GALNT17: variants seen among roughly 807,000 people sequenced by gnomAD.
GALNT17 encodes UDP-GalNAc:polypeptide N-acetylgalactosaminyltransferase-like 3.
GALNT17 carries 29 observed loss-of-function variants against 63.7 expected under a neutral mutation model. The observed-to-expected ratio is 0.46, with a 90% confidence interval of 0.34 to 0.62. The LOEUF is 0.62. GALNT17 is among the 20% of genes least tolerant of loss of function. The pLI is 0.01. For synonymous variants in GALNT17, 305 were observed against 318.3 expected, an observed-to-expected ratio of 0.96 and a Z score of 0.45; for missense variants, 603 against 799.6, an observed-to-expected ratio of 0.75 and a Z score of 2.97.
chr7:71,231,157 G>A (rs757176799), intron 1 of GALNT17, among the ~76,000 whole-genome samples: 2 of 151,662 alleles, frequency 1.3e-5, no homozygotes, highest in African/African-American at 2.4e-5. Context: ...TTCCCCATTA[G>A]TAATAATCAG....
chr7:71,147,905 C>T (rs763758467), intron 1 of GALNT17, among the ~76,000 whole-genome samples: 1 of 152,170 alleles, frequency 6.6e-6, no homozygotes, highest in Non-Finnish European at 1.5e-5. Context: ...GCTGAGATTA[C>T]ATGCATGAGC....
intron 5 of GALNT17, among the ~76,000 whole-genome samples, chr7:71,567,815 T>C (rs918420288): frequency 6.6e-6 from 1 of 152,222 alleles, no homozygotes; most frequent in Non-Finnish European, 1.5e-5. Flanking sequence ...TATGCAATTA[T>C]AGTCTTCGGT....
At chr7:71,570,703 G>C (rs949282361) in intron 5 of GALNT17, among the ~76,000 whole-genome samples, 1 of 152,066 alleles carries the variant, frequency 6.6e-6, no homozygotes, top group African/African-American at 2.4e-5. Flanking sequence ...TCACAGGCTG[G>C]GCATGGTGTT....
chr7:71,162,152 C>CCTTCCTTCCTTCCTTCCTTT (rs1788360903), intron 1 of GALNT17, among the ~76,000 whole-genome samples: 2 of 137,572 alleles, frequency 1.5e-5, no homozygotes, highest in Non-Finnish European at 3.1e-5. Context: ...TTCCTTCCTT[C>CCTTCCTTCCTTCCTTCCTTT]CTTCCTTCCT....
intron 6 of GALNT17, among the ~76,000 whole-genome samples, chr7:71,624,079 G>A (rs1244873084): frequency 1.3e-5 from 2 of 152,166 alleles, no homozygotes; most frequent in Non-Finnish European, 2.9e-5. Flanking sequence ...ATGGCTTTGC[G>A]ATGTCGGCGG....
chr7:71,660,114 C>T (rs1790884809), intron 6 of GALNT17, among the ~76,000 whole-genome samples: 1 of 152,208 alleles, frequency 6.6e-6, no homozygotes, highest in African/African-American at 2.4e-5. Context: ...CATCCCCCTG[C>T]CCAGCCCAGT....
At chr7:71,432,350 G>A (rs911415587) in intron 5 of GALNT17, among the ~76,000 whole-genome samples, 3 of 152,124 alleles carry the variant, frequency 2.0e-5, no homozygotes, top group South Asian at 2.1e-4. Context: ...TTGGCATCCC[G>A]GGTTTTTACT....
chr7:71,649,031 C>T (rs1007024308), intron 6 of GALNT17, among the ~76,000 whole-genome samples: 3 of 152,236 alleles, frequency 2.0e-5, no homozygotes, highest in Admixed American at 1.3e-4. Flanking sequence ...CATCCTCTTC[C>T]TCCCATCTGC....
At chr7:71,283,396 A>G (rs1016029254) in intron 1 of GALNT17, among the ~76,000 whole-genome samples, 2 of 152,048 alleles carry the variant, frequency 1.3e-5, no homozygotes, top group Non-Finnish European at 2.9e-5. Flanking sequence ...TGTTGATTAT[A>G]TTGATTTTAT....
chr7:71,361,205 G>A (rs929922872), intron 2 of GALNT17, among the ~76,000 whole-genome samples: 16 of 152,058 alleles, frequency 1.1e-4, no homozygotes, highest in Admixed American at 5.2e-4. Flanking sequence ...ATCTATACCA[G>A]TTACTCTCAA....
chr7:71,460,207 CTG>C (rs1042656779), intron 5 of GALNT17, among the ~76,000 whole-genome samples: 20 of 152,278 alleles, frequency 1.3e-4, no homozygotes, highest in African/African-American at 4.6e-4. Flanking sequence ...GAGTTCAACT[CTG>C]TTCATCAACA....
At chr7:71,709,388 C>T (rs540342740) in intron 9 of GALNT17, among the ~76,000 whole-genome samples, 23 of 152,136 alleles carry the variant, frequency 1.5e-4, no homozygotes, top group African/African-American at 2.2e-4. Flanking sequence ...ATGTCCTTTG[C>T]GCATAAAAGT....
At chr7:71,560,824 A>G (rs573113103) in intron 5 of GALNT17, among the ~76,000 whole-genome samples, 2 of 152,288 alleles carry the variant, frequency 1.3e-5, no homozygotes, top group South Asian at 2.1e-4. Context: ...GCACATTCCT[A>G]TAATCCCTGG....
intron 6 of GALNT17, among the ~76,000 whole-genome samples, chr7:71,581,114 A>G (rs947006996): frequency 6.6e-6 from 1 of 152,158 alleles, no homozygotes; most frequent in Non-Finnish European, 1.5e-5. Context: ...AGCTGGTGGC[A>G]GGAGAGAGAC....
chr7:71,235,835 C>T (rs1274444736), intron 1 of GALNT17, among the ~76,000 whole-genome samples: 2 of 152,226 alleles, frequency 1.3e-5, no homozygotes, highest in African/African-American at 2.4e-5. Context: ...CTCCTTCTTC[C>T]TTCCATCTGG....
intron 1 of GALNT17, among the ~76,000 whole-genome samples, chr7:71,254,356 A>G (rs1242292695): frequency 6.6e-6 from 1 of 152,206 alleles, no homozygotes; most frequent in Non-Finnish European, 1.5e-5. Flanking sequence ...GGATCAGGAA[A>G]AAGACCTGGG....
intron 3 of GALNT17, among the ~76,000 whole-genome samples, chr7:71,398,304 T>G (rs1205559987): frequency 6.6e-6 from 1 of 152,142 alleles, no homozygotes; most frequent in East Asian, 1.9e-4. Context: ...TCTGCTATCT[T>G]ATCTTTCGCT....
chr7:71,650,350 A>G (rs528546458), intron 6 of GALNT17, among the ~76,000 whole-genome samples: 1 of 152,296 alleles, frequency 6.6e-6, no homozygotes, highest in Admixed American at 6.5e-5. Context: ...TCTGGGTTCA[A>G]GTGATTCTCC....
At chr7:71,649,397 C>A (rs1187315443) in intron 6 of GALNT17, among the ~76,000 whole-genome samples, 1 of 152,134 alleles carries the variant, frequency 6.6e-6, no homozygotes, top group Admixed American at 6.6e-5. Context: ...GGGAGGAAAC[C>A]TAAAATCTGC....
Sources: gnomAD v4.1 joint callset for allele counts (sites outside exome capture counted in the v4.1 genomes callset) on GRCh38, gnomAD v4.1.1 for gene constraint, MANE v1.5 for transcripts, NCBI Gene and HGNC (gene_info 2026-07-23, HGNC 2026-07-21) for gene names.